SLC12A7: variants seen among roughly 807,000 people sequenced by gnomAD.
The protein encoded by SLC12A7 is K-Cl cotransporter 4.
SLC12A7 carries 100 observed loss-of-function variants against 120.6 expected under a neutral mutation model. The ratio of observed to expected loss-of-function variants is 0.83; its 90% CI spans 0.71 to 0.98. The LOEUF (loss-of-function observed/expected upper bound fraction) is 0.98. SLC12A7 is among the 50% of genes least tolerant of loss of function. SLC12A7 has a pLI of 0.00. For missense variants in SLC12A7, 1,373 were observed against 1,548.1 expected (o/e 0.89, Z 1.90); for synonymous variants, 760 against 678.0 (o/e 1.12, Z -1.88).
At chr5:1,143,406 G>A in the SLC12A7 span, among the ~76,000 whole-genome samples, 3 of 152,172 alleles carry the variant, frequency 2.0e-5, no homozygotes, top group Admixed American at 6.5e-5. Flanking sequence ...GCCCGCAGAC[G>A]GTGGCTTCTC....
chr5:1,086,511 G>A (rs1739873134), intron 6 of SLC12A7, among the ~76,000 whole-genome samples: 1 of 152,180 alleles, frequency 6.6e-6, no homozygotes, highest in South Asian at 2.1e-4. Flanking sequence ...TGGGACCCTC[G>A]GCCAAGTGCC....
At position 1,073,647 on chromosome 5, in the gene SLC12A7, G is replaced by A. The variant is rs749408336; in HGVS notation, c.2227C>T (p.Gln743Ter). 1.9e-6 allele frequency: 3 copies of A among 1,603,480 alleles called. No homozygotes were observed. Among genetic ancestry groups the A allele is most frequent in the Non-Finnish European group, 2.6e-6 (3 of 1,175,802 alleles). ...GCCCGGCCCACCTCCTCGGCCCGCT[G>A]AGCCTCCATGTGCTTGTCCAGGTAC... ...GTYLDKHMEAQRAEENIRSLM... is the reference protein window; with the variant it reads ...GTYLDKHMEA Residue 743 changes from glutamine (Q) to a stop codon, truncating the protein, a stop_gained, in exon 17 of 24, where the codon CAG becomes TAG. Transcript: ENST00000264930. LOFTEE classifies it high-confidence loss of function.
At chr5:1,103,636 C>T (rs1742221127) in intron 1 of SLC12A7, among the ~76,000 whole-genome samples, 1 of 152,216 alleles carries the variant, frequency 6.6e-6, no homozygotes, top group Admixed American at 6.5e-5. Context: ...CATACACACA[C>T]CAACACCCGC....
the SLC12A7 span, among the ~76,000 whole-genome samples, chr5:1,143,980 C>T: frequency 1.2e-4 from 18 of 152,224 alleles, no homozygotes; most frequent in Admixed American, 4.6e-4. Context: ...CTCTTGGGCA[C>T]CCTGCCCTCC....
intron 18 of SLC12A7, 51 bp from the exon 19 acceptor site, chr5:1,064,303 G>A (rs575704893): frequency 1.4e-5 from 22 of 1,569,386 alleles, no homozygotes; most frequent in Admixed American, 1.8e-5. Context: ...GGGTGCGGAA[G>A]GGGCCTCCCC....
At chr5:1,087,432 G>A (rs534832515) in intron 5 of SLC12A7, among the ~76,000 whole-genome samples, 95 of 152,392 alleles carry the variant, frequency 6.2e-4, no homozygotes, top group African/African-American at 2.1e-3. Context: ...CTCGTGTACT[G>A]TGAACCACGC....
chr5:1,131,363 G>A, the SLC12A7 span, among the ~76,000 whole-genome samples: 1 of 152,212 alleles, frequency 6.6e-6, no homozygotes, highest in Non-Finnish European at 1.5e-5. Flanking sequence ...AGCCTCAGCA[G>A]CTGCTGAAGG....
chr5:1,133,067 G>A, the SLC12A7 span, among the ~76,000 whole-genome samples: 10 of 152,224 alleles, frequency 6.6e-5, no homozygotes, highest in East Asian at 1.2e-3. Flanking sequence ...ACAGGCGTGC[G>A]TCACCACACA....
intron 3 of SLC12A7, among the ~76,000 whole-genome samples, chr5:1,092,867 G>A (rs972943254): frequency 6.6e-6 from 1 of 152,162 alleles, no homozygotes; most frequent in East Asian, 1.9e-4. Flanking sequence ...CCCCCAACAC[G>A]GGTCCAGGGT....
the SLC12A7 span, among the ~76,000 whole-genome samples, chr5:1,132,898 C>A: frequency 6.6e-6 from 1 of 152,184 alleles, no homozygotes; most frequent in Admixed American, 6.5e-5. Flanking sequence ...TGTAGTGTGA[C>A]CCAAATATTG....
intron 22 of SLC12A7, 126 bp downstream of exon 22, chr5:1,057,345 A>T (rs1735725569): frequency 2.0e-6 from 2 of 993,326 alleles, no homozygotes; most frequent in East Asian, 5.2e-5. Context: ...CCTGTTCTCT[A>T]ACGGGCCCAC....
the SLC12A7 span, among the ~76,000 whole-genome samples, chr5:1,150,331 C>G: frequency 6.6e-6 from 1 of 151,104 alleles, no homozygotes; most frequent in Non-Finnish European, 1.5e-5. Flanking sequence ...TCCATGCACA[C>G]ACACCTGCCC....
chr5:1,088,041 C>T (rs1740080615), intron 5 of SLC12A7, among the ~76,000 whole-genome samples: 1 of 152,222 alleles, frequency 6.6e-6, no homozygotes, highest in Non-Finnish European at 1.5e-5. Context: ...CCGTGCCTCC[C>T]CCTCCCCAGC....
chr5:1,073,750 G>GTGCTTCACGGCC lies in SLC12A7; in HGVS notation c.2112_2123dup (p.Gln704_Lys707dup). The GTGCTTCACGGCC allele has an allele frequency of 1.3e-6, 2 of 1,559,824 alleles. No homozygotes were observed. The highest frequency in any genetic ancestry group is 1.7e-4 in the Middle Eastern group (1 of 5,830). On this transcript the variant is annotated inframe_insertion, in exon 17 of 24. Transcript: ENST00000264930. The stretch of plus-strand genomic sequence containing the variant: ...GCGACGTGAAGGACAGCAGGCGGGG[G>GTGCTTCACGGCC]TGCTTCACGGCCTGCTCCGCGTCCA...
intron 1 of SLC12A7, among the ~76,000 whole-genome samples, chr5:1,098,141 C>CAA (rs1384440738): frequency 1.3e-4 from 15 of 115,128 alleles, no homozygotes; most frequent in African/African-American, 5.7e-4. Context: ...AGCCCAGCCC[C>CAA]CACAACCCTC....
chr5:1,098,092 CAACCCTCTGCACACCCAGCCCCCCTCT>C (rs1396145401), intron 1 of SLC12A7, among the ~76,000 whole-genome samples: 99 of 139,900 alleles, frequency 7.1e-4, no homozygotes, highest in African/African-American at 2.6e-3. Context: ...CCGCCCCCTC[CAACCCTCTGCACACCCAGCCCCCCTCT>C]AACCCTCTGC....
intron 3 of SLC12A7, 129 bp from the exon 4 acceptor site, chr5:1,089,257 C>T: frequency 1.0e-6 from 1 of 958,928 alleles, no homozygotes. Context: ...GAGTCCTTCC[C>T]AGAACAGATG....
rs1736914781 is a variant in SLC12A7 at position 1,065,263 on chromosome 5, G to A, written c.2437+20C>T. 1 of 1,535,350 alleles carries A rather than the reference G, an allele frequency of 6.5e-7. No individual in the cohort carries two copies. The highest frequency in any genetic ancestry group is 8.8e-7 in the Non-Finnish European group (1 of 1,135,192). ...GAGGGGACGGTGAGGGGATGCCGAA[G>A]GGCCGCCAGCCATGCCTACCCACAA... On this transcript the variant is annotated intron_variant, in intron 18 of 23. Coordinates refer to ENST00000264930, the MANE Select transcript of SLC12A7 (RefSeq NM_006598.3).
At chr5:1,064,344 C>T (rs1365696726) in intron 18 of SLC12A7, 92 bp from the exon 19 acceptor site, 24 of 1,436,514 alleles carry the variant, frequency 1.7e-5, no homozygotes, top group South Asian at 4.2e-5. Flanking sequence ...GGGGCGGGCA[C>T]GGCGAGGCGA....
Sources: allele counts gnomAD v4.1 joint callset (sites outside exome capture counted in the v4.1 genomes callset), GRCh38; gene constraint gnomAD v4.1.1; transcripts MANE v1.5; gene names NCBI Gene and HGNC (gene_info 2026-07-23, HGNC 2026-07-21).